Variants in TOP2A observed in about 807,000 individuals in gnomAD.
TOP2A encodes DNA topoisomerase 2-alpha.
In TOP2A, 68 loss-of-function variants were observed where a neutral mutation model predicts 187.2. The observed-to-expected ratio is 0.36, with a 90% CI of 0.30 to 0.44. The LOEUF is 0.44. Among genes scored for constraint, TOP2A ranks in the 20% least tolerant of loss-of-function variants. The probability of loss-of-function intolerance (pLI) is 1.00; values close to 1 mark genes in which losing one functional copy is unlikely to be tolerated. For synonymous variants in TOP2A, 542 were observed against 593.2 expected, an observed-to-expected ratio of 0.91 and a Z score of 1.25; for missense variants, 1,196 against 1,808.7, an observed-to-expected ratio of 0.66 and a Z score of 6.14.
rs2035138013 is a variant in TOP2A, at chr17:40,398,895, C to T, written c.3331G>A (p.Glu1111Lys). Residue 1111 changes from glutamate to lysine, a missense_variant, in exon 26 of 35, where the codon GAA becomes AAA. Transcript: ENST00000423485. ...GTTACGGAGTCACTCTTTTCAGTTT[C>T]CTTTTCGTTGTCACTCTCTTCATTT... ...EENEESDNEKETEKSDSVTDS... is the reference protein window; with the variant it reads ...EENEESDNEKKTEKSDSVTDS... 1 of 1,612,872 alleles carries T rather than the reference C, an allele frequency of 6.2e-7. No homozygotes were observed. The highest frequency in any genetic ancestry group is 8.5e-7 in the Non-Finnish European group (1 of 1,179,512).
intron 16 of TOP2A, 54 bp from the exon 17 acceptor site, chr17:40,404,937 CA>C: frequency 2.0e-6 from 2 of 1,021,616 alleles, no homozygotes. Context: ...TAATAGGTTC[CA>C]AAATATCCTT....
chr17:40,416,916 G>C, intron 1 of TOP2A, 21 bp from the exon 2 acceptor site: 3 of 1,563,572 alleles, frequency 1.9e-6, no homozygotes, highest in South Asian at 2.4e-5. Context: ...AAAAAAAAGA[G>C]AGAAAGAAGG....
intron 1 of TOP2A, 66 bp downstream of exon 1, chr17:40,417,705 C>A: frequency 6.2e-7 from 1 of 1,607,156 alleles, no homozygotes; most frequent in South Asian, 1.1e-5. Context: ...TCACCCGTCA[C>A]GGGCGGCCAG....
chr17:40,416,939 A>G, intron 1 of TOP2A, 44 bp from the exon 2 acceptor site: 2 of 1,514,768 alleles, frequency 1.3e-6, no homozygotes, highest in East Asian at 2.3e-5. Flanking sequence ...ATTTTTAATC[A>G]TAAGTTTACC....
At chr17:40,389,677 C>T (rs1172095352) in intron 34 of TOP2A, 30 bp from the exon 35 acceptor site, 1 of 1,596,342 alleles carries the variant, frequency 6.3e-7, no homozygotes, top group Admixed American at 1.8e-5. Flanking sequence ...GTAACTTGCA[C>T]ATTGTAAATC....
chr17:40,406,856 C>T lies in TOP2A; in HGVS notation c.1713G>A (p.Glu571=), dbSNP rs144622532. 1,456 of 1,606,762 alleles carry T rather than the reference C, an allele frequency of 9.1e-4. 15 individuals are homozygous for T. The African/African-American group carries it at 0.017, about 19-fold the overall frequency. The change falls in exon 14 of 35, where the codon GAG becomes GAA. Residue 571 remains glutamate (E), a synonymous_variant. Coordinates refer to ENST00000423485, the MANE Select transcript of TOP2A (RefSeq NM_001067.4). ...WPSLLRHRFL[E]EFITPIVKVS... ...CCTTTACAATGGGAGTGATAAATTC[C>T]TCCAGAAAACGATGTCGCAGAAGAG...
At chr17:40,414,035 T>A (rs2035358489) in intron 4 of TOP2A, among the ~76,000 whole-genome samples, 2 of 152,132 alleles carry the variant, frequency 1.3e-5, no homozygotes. Flanking sequence ...GTTCCTGACA[T>A]TCCTGAAATA....
At chr17:40,397,610 G>T (rs2143638860) in intron 27 of TOP2A, among the ~76,000 whole-genome samples, 1 of 151,928 alleles carries the variant, frequency 6.6e-6, no homozygotes, top group Middle Eastern at 3.4e-3. Context: ...AGTTGACTTG[G>T]GGGACTGGGT....
At position 40,400,582 on chromosome 17, in the gene TOP2A, G is replaced by C; in HGVS notation, c.2746C>G (p.Leu916Val). Residue 916 changes from leucine (L) to valine (V), a missense_variant, in exon 22 of 35, where the codon CTT becomes GTT. Coordinates refer to ENST00000423485, the MANE Select transcript of TOP2A (RefSeq NM_001067.4). ...GAGATTTCAATGGTTGTAGAATTAA[G>C]AATAGCTACTTCACCACTAATCACA... ...QYVISGEVAILNSTTIEISEL... is the reference protein window; with the variant it reads ...QYVISGEVAIVNSTTIEISEL... 2 of 1,611,730 alleles carry C rather than the reference G, an allele frequency of 1.2e-6. No homozygotes were observed. The highest frequency in any genetic ancestry group is 1.7e-6 in the Non-Finnish European group (2 of 1,178,966).
chr17:40,406,072 C>T (rs1017733681), intron 16 of TOP2A, among the ~76,000 whole-genome samples: 3 of 151,942 alleles, frequency 2.0e-5, no homozygotes, highest in African/African-American at 7.3e-5. Context: ...GGCCAATTTT[C>T]GTATTTTTAG....
chr17:40,417,145 C>G (rs971683433), intron 1 of TOP2A, among the ~76,000 whole-genome samples: 1 of 152,126 alleles, frequency 6.6e-6, no homozygotes, highest in Non-Finnish European at 1.5e-5. Context: ...TTTTCTTGAG[C>G]AACATGGTAG....
At chr17:40,409,309 C>T (rs2035289071) in intron 10 of TOP2A, 3 of 337,516 alleles carry the variant, frequency 8.9e-6, no homozygotes, top group South Asian at 2.2e-5. Context: ...CTGGGAGGCG[C>T]GGGTTGCAGT....
chr17:40,390,704 T>G (rs2035013255), intron 33 of TOP2A, among the ~76,000 whole-genome samples: 1 of 148,820 alleles, frequency 6.7e-6, no homozygotes, highest in Non-Finnish European at 1.5e-5. Flanking sequence ...CTCGGCTCAC[T>G]GTAGCCTCTG....
chr17:40,396,140 C>T (rs902017213), intron 28 of TOP2A, 143 bp downstream of exon 28: 146 of 513,276 alleles, frequency 2.8e-4, no homozygotes, highest in African/African-American at 1.9e-3. Flanking sequence ...CCACCATGCC[C>T]GCCTAATTTT....
At chr17:40,390,290 G>A in intron 33 of TOP2A, 126 bp from the exon 34 acceptor site, 1 of 848,648 alleles carries the variant, frequency 1.2e-6, no homozygotes, top group Middle Eastern at 3.7e-4. Flanking sequence ...CTGGGTTCAA[G>A]CGATTCTCCT....
intron 20 of TOP2A, among the ~76,000 whole-genome samples, chr17:40,402,346 G>A (rs2035192569): frequency 6.6e-6 from 1 of 152,168 alleles, no homozygotes; most frequent in African/African-American, 2.4e-5. Context: ...GGTATAGAAC[G>A]GATGAATGGG....
chr17:40,400,741 A>G, intron 21 of TOP2A, 78 bp from the exon 22 acceptor site: 1 of 1,535,608 alleles, frequency 6.5e-7, no homozygotes, highest in Non-Finnish European at 8.8e-7. Flanking sequence ...TTAACAATAA[A>G]TCTAAAGTAT....
chr17:40,401,556 A>G (rs1276675588), intron 20 of TOP2A, among the ~76,000 whole-genome samples: 2 of 152,128 alleles, frequency 1.3e-5, no homozygotes, highest in Admixed American at 6.6e-5. Context: ...CTAAAAATAT[A>G]AAATTAGCTG....
intron 19 of TOP2A, among the ~76,000 whole-genome samples, chr17:40,403,912 A>G (rs965515536): frequency 1.3e-5 from 2 of 152,246 alleles, no homozygotes; most frequent in Admixed American, 1.3e-4. Context: ...TTGACATCAC[A>G]AAGTTATAAT....
Sources: allele counts gnomAD v4.1 joint callset (sites outside exome capture counted in the v4.1 genomes callset), GRCh38; gene constraint gnomAD v4.1.1; transcripts MANE v1.5; gene names NCBI Gene and HGNC (gene_info 2026-07-23, HGNC 2026-07-21).